LRP1B: variants seen among roughly 807,000 people sequenced by gnomAD.
The protein encoded by LRP1B is low-density lipoprotein receptor-related protein 1B.
In LRP1B, 217 loss-of-function variants were observed where a neutral mutation model predicts 556.6. The ratio of observed to expected loss-of-function variants is 0.39; its 90% CI spans 0.35 to 0.44. The LOEUF (loss-of-function observed/expected upper bound fraction) is 0.44. Ranked by LOEUF, LRP1B falls within the 20% of genes least tolerant of loss-of-function variation. The probability of loss-of-function intolerance (pLI) is 1.00; values close to 1 mark genes in which losing one functional copy is unlikely to be tolerated. For missense variants in LRP1B, 5,053 were observed against 5,620.8 expected (o/e 0.90, Z 3.23); for synonymous variants, 2,047 against 1,865.8 (o/e 1.10, Z -2.50).
At chr2:141,338,707 C>T (rs767157485) in intron 3 of LRP1B, among the ~76,000 whole-genome samples, 1 of 152,236 alleles carries the variant, frequency 6.6e-6, no homozygotes, top group African/African-American at 2.4e-5. Context: ...GTTTCCAAAG[C>T]CTTCTAAATT....
chr2:140,343,738 C>T (rs897739114), intron 77 of LRP1B, among the ~76,000 whole-genome samples: 1 of 151,470 alleles, frequency 6.6e-6, no homozygotes, highest in Non-Finnish European at 1.5e-5. Flanking sequence ...GGTATATCCA[C>T]GTAACAGCCA....
intron 3 of LRP1B, among the ~76,000 whole-genome samples, chr2:141,279,566 C>T (rs1446708754): frequency 2.0e-5 from 3 of 152,064 alleles, no homozygotes; most frequent in South Asian, 2.1e-4. Flanking sequence ...CTGGATTTCT[C>T]CAGTACCCCC....
At chr2:140,479,582 T>C (rs193167594) in intron 59 of LRP1B, among the ~76,000 whole-genome samples, 1 of 152,186 alleles carries the variant, frequency 6.6e-6, no homozygotes, top group Admixed American at 6.5e-5. Flanking sequence ...AGTGATTAAA[T>C]AGAAGTCTTT....
intron 32 of LRP1B, among the ~76,000 whole-genome samples, chr2:140,781,884 T>C (rs1689711436): frequency 6.6e-6 from 1 of 152,236 alleles, no homozygotes. Context: ...TTGCTTTTCC[T>C]TATCGTTTCA....
chr2:140,444,456 C>A lies in LRP1B; in HGVS notation c.10175-7G>T, dbSNP rs2105304453. On this transcript the variant is annotated splice_polypyrimidine_tract_variant and splice_region_variant and intron_variant, in intron 64 of 90. Transcript: ENST00000389484. Reference sequence around the variant, plus strand: ...GACAGGCAGACATGTGTGTCTAGAACATAGAAGGAGAGAGAGAGAGAAAAT... The same window carrying A: ...GACAGGCAGACATGTGTGTCTAGAAAATAGAAGGAGAGAGAGAGAGAAAAT... 6.2e-7 allele frequency: 1 copy of A among 1,613,736 alleles called. No individual in the cohort carries two copies. Among genetic ancestry groups the A allele is most frequent in the Non-Finnish European group, 8.5e-7 (1 of 1,179,866 alleles).
intron 18 of LRP1B, among the ~76,000 whole-genome samples, chr2:140,972,953 T>C (rs1696477221): frequency 6.8e-6 from 1 of 148,128 alleles, no homozygotes; most frequent in African/African-American, 2.5e-5. Context: ...GATATATATA[T>C]ATATATACAT....
At chr2:141,902,920 C>T (rs1243201122) in intron 1 of LRP1B, among the ~76,000 whole-genome samples, 1 of 151,838 alleles carries the variant, frequency 6.6e-6, no homozygotes, top group East Asian at 1.9e-4. Flanking sequence ...CTTATAATTG[C>T]TAGCATAGAA....
At position 141,365,655 on chromosome 2, in the gene LRP1B, CTT is replaced by C. The variant is rs781538829; in HGVS notation, c.344-111016_344-111015del. Among the ~76,000 whole-genome samples, 12 of 121,108 alleles carry C rather than the reference CTT, an allele frequency of 9.9e-5. No homozygotes were observed. In the East Asian group the frequency reaches 1.1e-3, roughly 11 times the overall value. The allele number at this position is 121,108 out of a possible 152,430, so 79.5% of individuals were successfully genotyped here. On this transcript the variant is annotated intron_variant, in intron 3 of 90. Coordinates refer to ENST00000389484, the MANE Select transcript of LRP1B (RefSeq NM_018557.3). Reference sequence around the variant, plus strand: ...TTTTTGTTTTGGTTTGTTTTTGTTGCTTTTTTTTTTTTTTTGAGACAGAGTCT... The same window carrying C: ...TTTTTGTTTTGGTTTGTTTTTGTTGCTTTTTTTTTTTTTGAGACAGAGTCT...
intron 10 of LRP1B, among the ~76,000 whole-genome samples, chr2:141,053,828 A>ACG (rs146312768): frequency 1.3e-5 from 2 of 150,130 alleles, no homozygotes; most frequent in African/African-American, 4.9e-5. Context: ...GTGTGTATAT[A>ACG]TGTGTGTGTG....
chr2:142,101,574 T>C (rs1706570353), intron 1 of LRP1B, among the ~76,000 whole-genome samples: 1 of 152,014 alleles, frequency 6.6e-6, no homozygotes, highest in Non-Finnish European at 1.5e-5. Flanking sequence ...AGCTATTACT[T>C]AAGGTAGACA....
At chr2:141,622,458 A>G (rs1349875914) in intron 2 of LRP1B, among the ~76,000 whole-genome samples, 4 of 152,174 alleles carry the variant, frequency 2.6e-5, no homozygotes, top group African/African-American at 9.6e-5. Flanking sequence ...TCCTTGTTAG[A>G]ACTTGCACAT....
chr2:140,803,824 AGTTT>A (rs1242614697), intron 32 of LRP1B, among the ~76,000 whole-genome samples: 1 of 151,998 alleles, frequency 6.6e-6, no homozygotes, highest in East Asian at 1.9e-4. Context: ...AGAAATTGAA[AGTTT>A]GTTTTCTCTC....
intron 3 of LRP1B, among the ~76,000 whole-genome samples, chr2:141,256,849 C>A (rs938232851): frequency 6.6e-6 from 1 of 151,792 alleles, no homozygotes; most frequent in Non-Finnish European, 1.5e-5. Context: ...TTGGAAGTCA[C>A]AAGCATAAAG....
At chr2:141,613,757 A>G (rs1688189797) in intron 2 of LRP1B, among the ~76,000 whole-genome samples, 1 of 152,136 alleles carries the variant, frequency 6.6e-6, no homozygotes, top group Non-Finnish European at 1.5e-5. Flanking sequence ...TTAAAAGAAT[A>G]CTACGGTCAA....
At position 141,015,769 on chromosome 2, in the gene LRP1B, G is replaced by C. The variant is rs543249120; in HGVS notation, c.2117C>G (p.Thr706Ser). Residue 706 changes from threonine to serine, a missense_variant, in exon 13 of 91, where the codon ACC becomes AGC. This residue lies in a region of LRP1B where 3,619 missense variants were observed against 3,931.9 expected (regional missense o/e 0.92). Coordinates refer to ENST00000389484, the MANE Select transcript of LRP1B (RefSeq NM_018557.3). ...WPNGLTLDFH[T>S]NTLYWCDAYY... ...GGCATCACACCAGTATAATGTGTTG[G>C]TGTGAAAGTCCAGAGTTAAACCGTT... 6.2e-6 allele frequency: 10 copies of C among 1,613,400 alleles called. No homozygotes were observed. In the South Asian group the frequency reaches 1.1e-4, roughly 18 times the overall value.
chr2:140,733,840 A>G (rs1423180745), intron 35 of LRP1B, among the ~76,000 whole-genome samples: 1 of 152,238 alleles, frequency 6.6e-6, no homozygotes, highest in African/African-American at 2.4e-5. Context: ...TTATATCTCA[A>G]TACAAAATAA....
At chr2:141,811,556 A>G (rs563471619) in intron 1 of LRP1B, among the ~76,000 whole-genome samples, 2 of 152,230 alleles carry the variant, frequency 1.3e-5, no homozygotes, top group South Asian at 2.1e-4. Flanking sequence ...CATAAATTTC[A>G]GTAAATATGC....
intron 37 of LRP1B, among the ~76,000 whole-genome samples, chr2:140,710,961 T>TGAC (rs1296930391): frequency 2.6e-5 from 4 of 151,938 alleles, no homozygotes; most frequent in African/African-American, 9.7e-5. Flanking sequence ...CTAATGAGAG[T>TGAC]GACCTGAGCC....
chr2:141,460,403 T>C lies in LRP1B; in HGVS notation c.343+19993A>G, dbSNP rs78455834. Among the ~76,000 whole-genome samples, 44 of 152,232 alleles carry C rather than the reference T, an allele frequency of 2.9e-4. 1 individual carries two copies. The East Asian group carries it at 8.1e-3, about 28-fold the overall frequency. ...ACAAGGCCAACATACTTGGAAGAAT[T>C]GGCAATTATGGGGCTGAGAAACAGT... On this transcript the variant is annotated intron_variant, in intron 3 of 90. Coordinates refer to ENST00000389484, the MANE Select transcript of LRP1B (RefSeq NM_018557.3).
Sources: allele counts gnomAD v4.1 joint callset (sites outside exome capture counted in the v4.1 genomes callset), GRCh38; gene constraint gnomAD v4.1.1; regional missense constraint gnomAD v4.1.1; transcripts MANE v1.5; gene names NCBI Gene and HGNC (gene_info 2026-07-23, HGNC 2026-07-21).